Variants in SLC16A10 observed in about 807,000 individuals in gnomAD.
SLC16A10 encodes solute carrier family 16 member 10.
In SLC16A10, 27 loss-of-function variants were observed where a neutral mutation model predicts 40.0. That is an observed-to-expected ratio of 0.67 (90% CI 0.50 to 0.93). The LOEUF (loss-of-function observed/expected upper bound fraction) is 0.93. SLC16A10 is among the 40% of genes least tolerant of loss of function. The pLI is 0.00. For missense variants in SLC16A10, 529 were observed against 658.2 expected (o/e 0.80, Z 2.15); for synonymous variants, 213 against 249.8 (o/e 0.85, Z 1.39).
intron 4 of SLC16A10, among the ~76,000 whole-genome samples, chr6:111,218,052 T>C (rs1037949647): frequency 2.0e-5 from 3 of 152,130 alleles, no homozygotes; most frequent in African/African-American, 7.2e-5. Context: ...CAAAATAATA[T>C]AATAAGCCTT....
intron 3 of SLC16A10, chr6:111,178,605 G>T: frequency 3.7e-6 from 1 of 271,706 alleles, no homozygotes; most frequent in Non-Finnish European, 7.1e-6. Context: ...TCTGCCCCTG[G>T]CAACGTTTGT....
intron 3 of SLC16A10, among the ~76,000 whole-genome samples, chr6:111,179,450 G>C (rs1176216735): frequency 6.6e-6 from 1 of 152,160 alleles, no homozygotes; most frequent in Non-Finnish European, 1.5e-5. Flanking sequence ...CTCTTCCACT[G>C]TGCTTACCTG....
chr6:111,091,218 T>G (rs1277659584), intron 1 of SLC16A10: 1 of 152,230 alleles, frequency 6.6e-6, no homozygotes, highest in African/African-American at 2.4e-5. Flanking sequence ...TTATTTAAAA[T>G]ATGGAATGCT....
In SLC16A10 at chr6:111,226,764, A is replaced by G. The variant is rs959105562; in HGVS notation, c.*4529A>G. On this transcript the variant is annotated 3_prime_UTR_variant, in exon 6 of 6. Transcript: ENST00000368851. ...TGTCTTGTTATGAAAACAAAACGCA[A>G]TTTGTCATTCATAATGGTAATGTGG... 3 of 152,244 alleles carry G rather than the reference A, an allele frequency of 2.0e-5. No individual in the cohort carries two copies. The highest frequency in any genetic ancestry group is 7.2e-5 in the African/African-American group (3 of 41,470). The allele number at this position is 152,244 out of a possible 1,614,324, so 9.4% of individuals were successfully genotyped here. A position where few individuals can be genotyped will look rare whatever the true frequency, so the allele number is the denominator to read the frequency against.
intron 3 of SLC16A10, among the ~76,000 whole-genome samples, chr6:111,182,722 TTAC>T (rs1772824263): frequency 6.6e-6 from 1 of 152,082 alleles, no homozygotes; most frequent in African/African-American, 2.4e-5. Context: ...CCCTTAAAAC[TTAC>T]TCTGCCCCCA....
At chr6:111,091,275 T>C (rs1264005509) in intron 1 of SLC16A10, 6 of 152,202 alleles carry the variant, frequency 3.9e-5, no homozygotes, top group Non-Finnish European at 7.3e-5. Context: ...GCTAATCTTC[T>C]CTGTGTCATT....
At chr6:111,210,328 C>T (rs1337026181) in intron 4 of SLC16A10, among the ~76,000 whole-genome samples, 2 of 152,176 alleles carry the variant, frequency 1.3e-5, no homozygotes, top group Non-Finnish European at 2.9e-5. Context: ...GGTCACACAG[C>T]TAGAAGGAAG....
chr6:111,188,961 G>T (rs563147605), intron 3 of SLC16A10, among the ~76,000 whole-genome samples: 1 of 152,272 alleles, frequency 6.6e-6, no homozygotes, highest in South Asian at 2.1e-4. Context: ...GTTGCCATTA[G>T]AATAGATTTC....
At chr6:111,216,550 C>T (rs1773424153) in intron 4 of SLC16A10, among the ~76,000 whole-genome samples, 1 of 149,708 alleles carries the variant, frequency 6.7e-6, no homozygotes, top group South Asian at 2.1e-4. Context: ...CTACAGGCGC[C>T]CACCACCACG....
chr6:111,222,432 G>A lies in SLC16A10; in HGVS notation c.*197G>A. 1.8e-6 allele frequency: 1 copy of A among 561,314 alleles called. No homozygotes were observed. The highest frequency in any genetic ancestry group is 2.8e-6 in the Non-Finnish European group (1 of 362,984). The allele number at this position is 561,314 out of a possible 1,614,324, so 34.8% of individuals were successfully genotyped here. On this transcript the variant is annotated 3_prime_UTR_variant, in exon 6 of 6. Coordinates refer to ENST00000368851, the MANE Select transcript of SLC16A10 (RefSeq NM_018593.5). ...TCTCTGATGTTTCCATGAGTCTGAG[G>A]GCAGAGACTCTGGTATATGAAAACG...
At chr6:111,195,119 A>G (rs568076417) in intron 3 of SLC16A10, among the ~76,000 whole-genome samples, 2 of 152,144 alleles carry the variant, frequency 1.3e-5, no homozygotes, top group Admixed American at 6.6e-5. Context: ...GATTTTAGGG[A>G]AAAAAAAGAA....
chr6:111,116,716 G>A (rs1402863213), intron 1 of SLC16A10, among the ~76,000 whole-genome samples: 1 of 152,138 alleles, frequency 6.6e-6, no homozygotes, highest in Admixed American at 6.5e-5. Context: ...GAGAGATCAA[G>A]GGAATATAGA....
Position 111,225,241 on chromosome 6 carries a change from T to C in SLC16A10, c.*3006T>C, listed in dbSNP as rs1770969746. On this transcript the variant is annotated 3_prime_UTR_variant, in exon 6 of 6. Transcript: ENST00000368851. Reference sequence around the variant, plus strand: ...CAAGACTTAAAATTTCCACTGAAAATTGCATAGTTCTTGTATTAAGATTCA... The same window carrying C: ...CAAGACTTAAAATTTCCACTGAAAACTGCATAGTTCTTGTATTAAGATTCA... 2 of 152,146 alleles carry C rather than the reference T, an allele frequency of 1.3e-5. No individual in the cohort carries two copies. Among genetic ancestry groups the C allele is most frequent in the South Asian group, 4.1e-4 (2 of 4,826 alleles). 9.4% of individuals were successfully genotyped at this position (152,146 alleles called of 1,614,324 possible).
chr6:111,105,539 G>A (rs1444907411), intron 1 of SLC16A10, among the ~76,000 whole-genome samples: 1 of 152,146 alleles, frequency 6.6e-6, no homozygotes, highest in Non-Finnish European at 1.5e-5. Context: ...CATCTTTATG[G>A]CACTTTCTGG....
rs780277572 is a variant in SLC16A10 at position 111,088,075 on chromosome 6, A to G, written c.323A>G (p.Asp108Gly). ...GAAACCTTCGGCTCCAAAGACGATG[A>G]CAAGATGGTCTTTAAGACAGGTGAG... ...MLETFGSKDD[D>G]KMVFKTAWVG... Residue 108 changes from aspartate to glycine, a missense_variant, in exon 1 of 6, where the codon GAC becomes GGC. Asp to Gly is a moderately conservative substitution (Grantham distance 94, BLOSUM62 -1). Coordinates refer to ENST00000368851, the MANE Select transcript of SLC16A10 (RefSeq NM_018593.5). The G allele has an allele frequency of 1.9e-6, 3 of 1,606,888 alleles. No homozygotes were observed. Among genetic ancestry groups the G allele is most frequent in the Non-Finnish European group, 1.7e-6 (2 of 1,177,002 alleles).
chr6:111,172,508 A>G (rs1387651991), intron 1 of SLC16A10, among the ~76,000 whole-genome samples, 187 bp from the exon 2 acceptor site: 1 of 152,220 alleles, frequency 6.6e-6, no homozygotes, highest in Non-Finnish European at 1.5e-5. Flanking sequence ...CCCAGTAACT[A>G]TTATCCAGGT....
At chr6:111,131,170 C>T (rs1398406085) in intron 1 of SLC16A10, among the ~76,000 whole-genome samples, 1 of 152,224 alleles carries the variant, frequency 6.6e-6, no homozygotes. Context: ...CCATCGCAGA[C>T]CCGCCGCTGA....
In SLC16A10 at chr6:111,229,994, T is replaced by TC. The variant is rs966647869; in HGVS notation, c.*7759_*7760insC. On this transcript the variant is annotated 3_prime_UTR_variant, in exon 6 of 6. Coordinates refer to ENST00000368851, the MANE Select transcript of SLC16A10 (RefSeq NM_018593.5). ...TTTCTTTTTCTTTCTTTGTTTCTTTTTTTTTTTTTTTTTTGAGATGGAGTC... is the reference window on the plus strand; with the variant it reads ...TTTCTTTTTCTTTCTTTGTTTCTTTTCTTTTTTTTTTTTTTGAGATGGAGTC... 2.3e-5 allele frequency: 3 copies of TC among 128,664 alleles called. No individual in the cohort carries two copies. Among genetic ancestry groups the TC allele is most frequent in the Non-Finnish European group, 3.2e-5 (2 of 61,782 alleles). The allele number at this position is 128,664 out of a possible 1,614,324, so 8.0% of individuals were successfully genotyped here. A position where few individuals can be genotyped will look rare whatever the true frequency, so the allele number is the denominator to read the frequency against.
chr6:111,099,515 A>C (rs1392403603), intron 1 of SLC16A10, among the ~76,000 whole-genome samples: 1 of 151,902 alleles, frequency 6.6e-6, no homozygotes, highest in Non-Finnish European at 1.5e-5. Flanking sequence ...GGGTCTCACC[A>C]CGTTGCCCAG....
Sources: allele counts gnomAD v4.1 joint callset (sites outside exome capture counted in the v4.1 genomes callset), GRCh38; gene constraint gnomAD v4.1.1; transcripts MANE v1.5; gene names NCBI Gene and HGNC (gene_info 2026-07-23, HGNC 2026-07-21).